CNTNAP2: variants seen among roughly 807,000 people sequenced by gnomAD.
CNTNAP2 encodes the protein contactin associated protein 2, also known as contactin-associated protein-like 2.
CNTNAP2 carries 98 observed loss-of-function variants against 155.2 expected under a neutral mutation model. That is an observed-to-expected ratio of 0.63 (90% CI 0.54 to 0.75). The LOEUF is 0.75. Among genes scored for constraint, CNTNAP2 ranks in the 30% least tolerant of loss-of-function variants. The pLI, the probability that CNTNAP2 is intolerant of heterozygous loss-of-function variation, is 0.00. For missense variants in CNTNAP2, 1,727 were observed against 1,688.1 expected (o/e 1.02, Z -0.40); for synonymous variants, 651 against 631.2 (o/e 1.03, Z -0.47).
chr7:147,133,733 G>A (rs777921273), intron 8 of CNTNAP2, among the ~76,000 whole-genome samples: 1 of 152,014 alleles, frequency 6.6e-6, no homozygotes, highest in Non-Finnish European at 1.5e-5. Context: ...TGTGTGGCCT[G>A]AATGTATGGT....
chr7:146,979,242 T>C (rs1369360087), intron 3 of CNTNAP2, among the ~76,000 whole-genome samples: 1 of 152,238 alleles, frequency 6.6e-6, no homozygotes, highest in Admixed American at 6.5e-5. Flanking sequence ...CCATAGCCTG[T>C]TCCCTTTCTA....
In CNTNAP2 at chr7:146,721,887, A is replaced by ATTTTTTTTTT. The variant is rs1265800742; in HGVS notation, c.98-52383_98-52382insTTTTTTTTTT. Among the ~76,000 whole-genome samples the ATTTTTTTTTT allele has an allele frequency of 1.5e-3, 123 of 81,938 alleles. 20 individuals carry two copies. In the African/African-American group the frequency reaches 0.023, roughly 15 times the overall value. The allele number at this position is 81,938 out of a possible 152,430, so 53.8% of individuals were successfully genotyped here. A position where few individuals can be genotyped will look rare whatever the true frequency, so the allele number is the denominator to read the frequency against. On this transcript the variant is annotated intron_variant, in intron 1 of 23. Coordinates refer to ENST00000361727, the MANE Select transcript of CNTNAP2 (RefSeq NM_014141.6). ...TGTGTGTGTGTGTGTATATATATAT[A>ATTTTTTTTTT]TATTTTTTTTTTTTTTTTTGAGATG...
At chr7:147,472,222 T>TTTTTTTTTTTTTC (rs1299246546) in intron 10 of CNTNAP2, among the ~76,000 whole-genome samples, 1 of 142,148 alleles carries the variant, frequency 7.0e-6, no homozygotes, top group African/African-American at 2.6e-5. Context: ...TTTTTTTTTT[T>TTTTTTTTTTTTTC]TTTTTTTTGA....
chr7:147,800,036 C>T (rs1417329861), intron 13 of CNTNAP2, among the ~76,000 whole-genome samples: 1 of 152,086 alleles, frequency 6.6e-6, no homozygotes, highest in Admixed American at 6.5e-5. Context: ...ATTCTTCACA[C>T]AATAAATATA....
chr7:146,807,029 T>C (rs1270406141), intron 2 of CNTNAP2, among the ~76,000 whole-genome samples: 1 of 152,068 alleles, frequency 6.6e-6, no homozygotes, highest in Non-Finnish European at 1.5e-5. Flanking sequence ...AATGAAAAAA[T>C]GAATAAATAA....
At chr7:148,003,026 G>A (rs2116895705) in intron 15 of CNTNAP2, among the ~76,000 whole-genome samples, 2 of 152,284 alleles carry the variant, frequency 1.3e-5, no homozygotes, top group Admixed American at 1.3e-4. Flanking sequence ...AGCAGTCAGT[G>A]GGCCTACAGA....
chr7:148,402,294 T>C (rs958102417), intron 22 of CNTNAP2, among the ~76,000 whole-genome samples: 2 of 151,506 alleles, frequency 1.3e-5, no homozygotes, highest in African/African-American at 2.4e-5. Context: ...CTTCCCCTGT[T>C]TGAAATTGGA....
In CNTNAP2 at chr7:147,525,188, A is replaced by G. The variant is rs183935642; in HGVS notation, c.1778-36950A>G. Among the ~76,000 whole-genome samples, 122 of 152,322 alleles carry G rather than the reference A, an allele frequency of 8.0e-4. 1 individual carries two copies. The East Asian group carries it at 0.014, about 18-fold the overall frequency. On this transcript the variant is annotated intron_variant, in intron 11 of 23. Coordinates refer to ENST00000361727, the MANE Select transcript of CNTNAP2 (RefSeq NM_014141.6). ...AACATTCTCATACATCTTTAAGTTG[A>G]GAATCAGAAACATGTCTTTGTTATA... is the stretch of plus-strand genomic sequence containing the variant.
At chr7:146,485,626 T>C (rs1370594634) in intron 1 of CNTNAP2, among the ~76,000 whole-genome samples, 1 of 152,164 alleles carries the variant, frequency 6.6e-6, no homozygotes, top group Non-Finnish European at 1.5e-5. Flanking sequence ...GATAATCCCA[T>C]GAAGCTTTTA....
intron 20 of CNTNAP2, among the ~76,000 whole-genome samples, chr7:148,234,203 C>T (rs533597044): frequency 2.4e-4 from 37 of 152,258 alleles, no homozygotes; most frequent in African/African-American, 7.7e-4. Flanking sequence ...AGTTAGAAAG[C>T]GGTAAATGGC....
chr7:147,936,410 C>T (rs1016859402), intron 14 of CNTNAP2, among the ~76,000 whole-genome samples: 1 of 150,822 alleles, frequency 6.6e-6, no homozygotes, highest in African/African-American at 2.4e-5. Flanking sequence ...AATCTGAAGA[C>T]AGAGAAAAAC....
At chr7:147,505,213 T>G (rs540374541) in intron 11 of CNTNAP2, among the ~76,000 whole-genome samples, 55 of 152,182 alleles carry the variant, frequency 3.6e-4, no homozygotes, top group African/African-American at 1.3e-3. Context: ...AGAATTAAAA[T>G]CCAAAGTTAA....
At chr7:146,897,781 G>A (rs1302500051) in intron 3 of CNTNAP2, among the ~76,000 whole-genome samples, 2 of 152,060 alleles carry the variant, frequency 1.3e-5, no homozygotes, top group Non-Finnish European at 2.9e-5. Flanking sequence ...AAATTTTTAA[G>A]TTAGCCTCAT....
intron 13 of CNTNAP2, among the ~76,000 whole-genome samples, chr7:147,778,640 G>A (rs950873152): frequency 6.6e-6 from 1 of 152,136 alleles, no homozygotes; most frequent in African/African-American, 2.4e-5. Context: ...GCTTCCATTT[G>A]CAGATGTTCC....
At chr7:147,289,743 G>T (rs1805260163) in intron 8 of CNTNAP2, among the ~76,000 whole-genome samples, 1 of 152,052 alleles carries the variant, frequency 6.6e-6, no homozygotes, top group Admixed American at 6.6e-5. Context: ...TTAGTCTTGG[G>T]GTAGTTATTT....
intron 1 of CNTNAP2, among the ~76,000 whole-genome samples, chr7:146,297,417 G>C (rs1800532037): frequency 6.6e-6 from 1 of 151,990 alleles, no homozygotes. Context: ...AAGAGAAAAG[G>C]AAGAAATATA....
At chr7:147,820,256 G>A (rs1288181201) in intron 13 of CNTNAP2, among the ~76,000 whole-genome samples, 1 of 152,036 alleles carries the variant, frequency 6.6e-6, no homozygotes, top group Non-Finnish European at 1.5e-5. Flanking sequence ...GATGATTAAT[G>A]ATTCTGGGCA....
At chr7:148,149,081 A>G (rs769250387) in intron 17 of CNTNAP2, among the ~76,000 whole-genome samples, 1 of 152,232 alleles carries the variant, frequency 6.6e-6, no homozygotes, top group South Asian at 2.1e-4. Flanking sequence ...AATACTGTTA[A>G]TTCTGAACAT....
chr7:147,197,719 C>T (rs1802834409), intron 8 of CNTNAP2, among the ~76,000 whole-genome samples: 1 of 152,184 alleles, frequency 6.6e-6, no homozygotes, highest in African/African-American at 2.4e-5. Flanking sequence ...CATATTTTGC[C>T]TGACTCTTCT....
Sources: allele counts gnomAD v4.1 joint callset (sites outside exome capture counted in the v4.1 genomes callset), GRCh38; gene constraint gnomAD v4.1.1; transcripts MANE v1.5; gene names NCBI Gene and HGNC (gene_info 2026-07-23, HGNC 2026-07-21).